The following MARF1 variants were observed in gnomAD, a reference collection of about 807,000 sequenced individuals.
MARF1 encodes the protein limkain-b1.
A neutral mutation model predicts 168.2 loss-of-function variants in MARF1; 24 were observed. The ratio of observed to expected loss-of-function variants is 0.14; its 90% CI spans 0.10 to 0.20. The LOEUF (loss-of-function observed/expected upper bound fraction) is 0.20, where lower values mean the gene tolerates loss of function less well. Among genes scored for constraint, MARF1 ranks in the 10% least tolerant of loss-of-function variants. The pLI is 1.00. For synonymous variants in MARF1, 868 were observed against 822.4 expected (o/e 1.06, Z -0.95); for missense variants, 1,744 against 2,143.6 (o/e 0.81, Z 3.68).
At chr16:15,630,578 A>G (rs2035181930) in intron 6 of MARF1, 74 bp from the exon 7 acceptor site, 1 of 1,347,500 alleles carries the variant, frequency 7.4e-7, no homozygotes, top group African/African-American at 1.5e-5. Context: ...AACTCTATTG[A>G]CACCCACTGA....
chr16:15,612,101 T>C (rs2033616164), intron 17 of MARF1, among the ~76,000 whole-genome samples: 1 of 152,240 alleles, frequency 6.6e-6, no homozygotes, highest in African/African-American at 2.4e-5. Context: ...GAAGCTGTTA[T>C]AACACTGTGA....
At position 15,594,795 on chromosome 16, in the gene MARF1, G is replaced by A. The variant is rs1001815582; in HGVS notation, c.*1898C>T. 3.9e-5 allele frequency: 6 copies of A among 152,542 alleles called. No individual in the cohort carries two copies. The East Asian group carries it at 9.6e-4, about 25-fold the overall frequency. 9.4% of individuals were successfully genotyped at this position (152,542 alleles called of 1,614,324 possible). ...AGCAATTGTTAAGAGTCACACACACGTCCCAGACCTAAGCAGCAACTCCAG... is the reference window on the plus strand; with the variant it reads ...AGCAATTGTTAAGAGTCACACACACATCCCAGACCTAAGCAGCAACTCCAG... On this transcript the variant is annotated 3_prime_UTR_variant, in exon 27 of 27. Coordinates refer to ENST00000396368, the MANE Select transcript of MARF1 (RefSeq NM_014647.4).
intron 16 of MARF1, among the ~76,000 whole-genome samples, chr16:15,615,380 C>A (rs780669672): frequency 1.3e-5 from 2 of 152,076 alleles, no homozygotes; most frequent in African/African-American, 2.4e-5. Context: ...AATCCCAGCA[C>A]TTTGGGAGGC....
At chr16:15,604,876 G>A (rs2032872038) in intron 21 of MARF1, among the ~76,000 whole-genome samples, 2 of 152,134 alleles carry the variant, frequency 1.3e-5, no homozygotes, top group Non-Finnish European at 2.9e-5. Context: ...GGGGAGGTGA[G>A]AGAGGGCCTA....
At position 15,595,977 on chromosome 16, in the gene MARF1, A is replaced by C. The variant is rs926135749; in HGVS notation, c.*716T>G. 1 of 152,650 alleles carries C rather than the reference A, an allele frequency of 6.6e-6. No individual in the cohort carries two copies. The highest frequency in any genetic ancestry group is 1.5e-5 in the Non-Finnish European group (1 of 68,054). 9.5% of individuals were successfully genotyped at this position (152,650 alleles called of 1,614,324 possible). A position where few individuals can be genotyped will look rare whatever the true frequency, so the allele number is the denominator to read the frequency against. Reference sequence around the variant, plus strand: ...CCTAACCCATATCAAACTGGAACACAGAAGGGAAGCTTCAAACATCCTCAA... The same window carrying C: ...CCTAACCCATATCAAACTGGAACACCGAAGGGAAGCTTCAAACATCCTCAA... On this transcript the variant is annotated 3_prime_UTR_variant, in exon 27 of 27. Transcript: ENST00000396368.
In MARF1 at chr16:15,625,505, T is replaced by G; in HGVS notation, c.1820A>C (p.Lys607Thr). 6.2e-7 allele frequency: 1 copy of G among 1,614,232 alleles called. No homozygotes were observed. Among genetic ancestry groups the G allele is most frequent in the South Asian group, 1.1e-5 (1 of 91,078 alleles). The change falls in exon 8 of 27, where the codon AAA (lysine) becomes ACA (threonine). Residue 607 changes from lysine (K) to threonine (T), a missense_variant. Coordinates refer to ENST00000396368, the MANE Select transcript of MARF1 (RefSeq NM_014647.4). ...AIADKVKSPK[K>T]LKNPKLCLIK... is the part of the protein sequence containing the mutation. ...GAGGCACAATTTTGGATTCTTAAGT[T>G]TTTTGGGAGACTTCACTTTATCAGC... is the stretch of plus-strand genomic sequence containing the variant.
chr16:15,602,042 G>A lies in MARF1; in HGVS notation c.4575C>T (p.Pro1525=). Residue 1525 remains proline (P), a synonymous_variant, in exon 23 of 27, where the codon CCC becomes CCT. Transcript: ENST00000396368. Reference sequence around the variant, plus strand: ...CCACGCTGCTGTGGCCGTAGGTCTTGGGCTGCAGAGTTTCTCCGACATACT... The same window carrying A: ...CCACGCTGCTGTGGCCGTAGGTCTTAGGCTGCAGAGTTTCTCCGACATACT... ...YTKYVGETLQ[P]KTYGHSSVEE... 6.2e-7 allele frequency: 1 copy of A among 1,614,170 alleles called. No homozygotes were observed. Among genetic ancestry groups the A allele is most frequent in the Non-Finnish European group, 8.5e-7 (1 of 1,179,998 alleles).
intron 15 of MARF1, among the ~76,000 whole-genome samples, chr16:15,616,239 A>T (rs922719324): frequency 3.3e-5 from 5 of 152,124 alleles, no homozygotes; most frequent in Non-Finnish European, 7.4e-5. Flanking sequence ...GGGGGATTAA[A>T]AATAGGGCAA....
At chr16:15,608,077 A>C (rs796648154) in intron 21 of MARF1, among the ~76,000 whole-genome samples, 8 of 152,170 alleles carry the variant, frequency 5.3e-5, no homozygotes, top group African/African-American at 1.7e-4. Flanking sequence ...AGAAACACAC[A>C]AGAGGAAGAC....
intron 1 of MARF1, among the ~76,000 whole-genome samples, chr16:15,641,595 G>T (rs1012957066): frequency 2.0e-5 from 3 of 152,090 alleles, no homozygotes; most frequent in African/African-American, 7.2e-5. Flanking sequence ...GCCTGTGCTT[G>T]GCACAAGGAA....
At chr16:15,612,826 C>G (rs796861854) in intron 16 of MARF1, 49 bp from the exon 17 acceptor site, 1 of 1,537,032 alleles carries the variant, frequency 6.5e-7, no homozygotes, top group East Asian at 2.3e-5. Context: ...ATTTCACCAG[C>G]TGAAAGAAGG....
intron 10 of MARF1, 35 bp downstream of exon 10, chr16:15,624,734 G>A (rs2071333): frequency 0.45 from 717,769 of 1,588,684 alleles, 164,406 homozygotes; most frequent in Admixed American, 0.52. Flanking sequence ...CCTATTACAT[G>A]TAACCACCCC....
At chr16:15,607,237 C>T (rs566007721) in intron 21 of MARF1, among the ~76,000 whole-genome samples, 1 of 152,272 alleles carries the variant, frequency 6.6e-6, no homozygotes, top group Admixed American at 6.5e-5. Flanking sequence ...GTCTTCTTAG[C>T]TGCAGTCCAA....
chr16:15,614,211 G>C (rs532401810), intron 16 of MARF1, among the ~76,000 whole-genome samples: 1 of 151,990 alleles, frequency 6.6e-6, no homozygotes, highest in Non-Finnish European at 1.5e-5. Flanking sequence ...GGCCAGGTGC[G>C]GTGGCTCACG....
chr16:15,632,506 G>A (rs2035317011), intron 5 of MARF1, among the ~76,000 whole-genome samples: 1 of 152,190 alleles, frequency 6.6e-6, no homozygotes, highest in South Asian at 2.1e-4. Flanking sequence ...ATCCATGATT[G>A]TATTCTCTCC....
chr16:15,609,719 G>C lies in MARF1; in HGVS notation c.3758C>G (p.Thr1253Ser). ...MVICIPKRER[T>S]QDEIERTKQF... ...TTTTGTCCTTTCTATTTCATCCTGAGTGCGTTCTTTTAAAAAAACCAAAAA... is the reference window on the plus strand; with the variant it reads ...TTTTGTCCTTTCTATTTCATCCTGACTGCGTTCTTTTAAAAAAACCAAAAA... The change falls in exon 20 of 27, where the codon ACT (threonine) becomes AGT (serine). Residue 1253 changes from threonine to serine, a missense_variant. Transcript: ENST00000396368. 6.2e-7 allele frequency: 1 copy of C among 1,612,660 alleles called. No homozygotes were observed. The highest frequency in any genetic ancestry group is 2.2e-5 in the East Asian group (1 of 44,870).
At chr16:15,599,356 C>G (rs1730673770) in intron 25 of MARF1, among the ~76,000 whole-genome samples, 1 of 152,042 alleles carries the variant, frequency 6.6e-6, no homozygotes, top group Non-Finnish European at 1.5e-5. Flanking sequence ...ACGTAGTTAA[C>G]AGCAAGTGGA....
rs71375044 is a variant in MARF1, at chr16:15,623,274, CTTTTTTTTTT to C, written c.2271-161_2271-152del. ...TTTGGTTTTCAAATGTGTTTTTAATCTTTTTTTTTTTTTTTTTTTTTTTGAGACAGAGTCT... is the reference window on the plus strand; with the variant it reads ...TTTGGTTTTCAAATGTGTTTTTAATCTTTTTTTTTTTTTGAGACAGAGTCT... On this transcript the variant is annotated intron_variant, in intron 10 of 26. Coordinates refer to ENST00000396368, the MANE Select transcript of MARF1 (RefSeq NM_014647.4). 161 of 119,210 alleles carry C rather than the reference CTTTTTTTTTT, an allele frequency of 1.4e-3. 1 individual carries two copies. The highest frequency in any genetic ancestry group is 6.6e-3 in the African/African-American group (152 of 22,884). The allele number at this position is 119,210 out of a possible 1,614,324, so 7.4% of individuals were successfully genotyped here.
At chr16:15,621,644 G>A (rs2034468667) in intron 12 of MARF1, 89 bp downstream of exon 12, 15 of 1,208,108 alleles carry the variant, frequency 1.2e-5, no homozygotes, top group Non-Finnish European at 1.7e-5. Flanking sequence ...AAGGGGGTGG[G>A]AATGTGATTG....
Sources: gnomAD v4.1 joint callset for allele counts (sites outside exome capture counted in the v4.1 genomes callset) on GRCh38, gnomAD v4.1.1 for gene constraint, MANE v1.5 for transcripts, NCBI Gene and HGNC (gene_info 2026-07-23, HGNC 2026-07-21) for gene names.